The following APBA2 variants were observed in gnomAD, a reference collection of about 807,000 sequenced individuals.
The protein encoded by APBA2 is amyloid beta precursor protein binding family A member 2.
Under a neutral mutation model 75.0 loss-of-function variants are expected in APBA2, and 30 were observed. The ratio of observed to expected loss-of-function variants is 0.40; its 90% CI spans 0.30 to 0.54. APBA2 has a LOEUF of 0.54. Among genes scored for constraint, APBA2 ranks in the 20% least tolerant of loss-of-function variants. The pLI is 0.49. For missense variants in APBA2, 801 were observed against 1,016.1 expected, an observed-to-expected ratio of 0.79 and a Z score of 2.88; for synonymous variants, 444 against 409.6, an observed-to-expected ratio of 1.08 and a Z score of -1.01.
intron 1 of APBA2, among the ~76,000 whole-genome samples, chr15:28,915,093 C>T (rs2033609351): frequency 6.9e-6 from 1 of 145,046 alleles, no homozygotes; most frequent in Admixed American, 6.8e-5. Flanking sequence ...ACACCACAAA[C>T]ATACCATACC....
At chr15:28,942,002 GC>G (rs1327504283) in intron 2 of APBA2, among the ~76,000 whole-genome samples, 2 of 152,146 alleles carry the variant, frequency 1.3e-5, no homozygotes, top group African/African-American at 4.8e-5. Context: ...CTCGTGATCC[GC>G]CCGCCTCAGC....
intron 2 of APBA2, among the ~76,000 whole-genome samples, chr15:28,995,501 A>G: frequency 6.6e-6 from 1 of 152,246 alleles, no homozygotes. Context: ...AGAATGGTAC[A>G]TAAGCCATCT....
chr15:28,922,237 G>A (rs939801884), intron 2 of APBA2, among the ~76,000 whole-genome samples: 1 of 152,116 alleles, frequency 6.6e-6, no homozygotes, highest in Non-Finnish European at 1.5e-5. Flanking sequence ...GGTTCTTTCC[G>A]CTCGACCTGG....
chr15:28,927,351 T>TTTTG (rs995502332), intron 2 of APBA2, among the ~76,000 whole-genome samples: 59 of 119,808 alleles, frequency 4.9e-4, no homozygotes, highest in Middle Eastern at 4.1e-3. Context: ...TTTTTTTTTG[T>TTTTG]TTTGTTTTGT....
intron 3 of APBA2, among the ~76,000 whole-genome samples, chr15:28,999,999 A>G (rs1489526090): frequency 1.3e-5 from 2 of 152,160 alleles, no homozygotes; most frequent in Non-Finnish European, 1.5e-5. Flanking sequence ...GCAGAGAGTG[A>G]ATTCAACCCT....
At position 29,054,112 on chromosome 15, in the gene APBA2, C is replaced by T. The variant is rs763144316; in HGVS notation, c.228C>T (p.Tyr76=). The T allele has an allele frequency of 4.5e-5, 73 of 1,614,044 alleles. No individual in the cohort carries two copies. The Middle Eastern group carries it at 5.0e-4, about 11-fold the overall frequency. Residue 76 remains tyrosine (Y), a synonymous_variant, in exon 4 of 15, where the codon TAC becomes TAT. Transcript: ENST00000683413. This position sits in a 1 kb window ranked among gnomAD's most constrained non-coding sequence, Gnocchi z 6.1. ...CCGATGGGGACTCCAGCTCTGACTA[C>T]GTGAACAACACCTCTGAGGAGGAGG... ...HSPDGDSSSD[Y]VNNTSEEEDY...
rs35322773 is a variant in APBA2 at position 29,105,390 on chromosome 15, C to T, written c.1536C>T (p.Ile512=). 15,008 of 1,611,554 alleles carry T rather than the reference C, an allele frequency of 9.3e-3. 153 individuals are homozygous for T. Among genetic ancestry groups the T allele is most frequent in the African/African-American group, 0.049 (3,688 of 75,042 alleles). ...HVFESEDAQL[I]AQSIGQAFSV... is the part of the protein sequence containing the mutation. ...TGCCCTCTGCACAGGCCCAGCTCAT[C>T]GCCCAGTCTATCGGCCAGGCCTTCA... Residue 512 remains isoleucine, a synonymous_variant, in exon 11 of 15, where the codon ATC becomes ATT. Transcript: ENST00000683413.
At chr15:29,098,352 G>T in intron 8 of APBA2, 138 bp from the exon 9 acceptor site, 1 of 714,506 alleles carries the variant, frequency 1.4e-6, no homozygotes, top group Non-Finnish European at 2.6e-6. Context: ...TGACAGATAT[G>T]AAATGATATA....
intron 13 of APBA2, among the ~76,000 whole-genome samples, 197 bp from the exon 14 acceptor site, chr15:29,113,679 A>G (rs773182253): frequency 2.6e-5 from 4 of 152,178 alleles, no homozygotes; most frequent in Non-Finnish European, 4.4e-5. Context: ...TTCCCCACAC[A>G]CCATGGCATT....
intron 1 of APBA2, among the ~76,000 whole-genome samples, chr15:28,915,623 C>T (rs1476804204): frequency 2.0e-5 from 3 of 150,930 alleles, no homozygotes; most frequent in African/African-American, 7.3e-5. Flanking sequence ...CTTATACACA[C>T]CACACACACT....
chr15:28,964,605 A>G (rs1349555578), intron 2 of APBA2, among the ~76,000 whole-genome samples: 5 of 151,258 alleles, frequency 3.3e-5, no homozygotes, highest in South Asian at 2.1e-4. Context: ...CTCCTGCCTC[A>G]GCCTCCCGAG....
chr15:29,079,153 G>T (rs1158255819), intron 6 of APBA2, among the ~76,000 whole-genome samples: 1 of 152,164 alleles, frequency 6.6e-6, no homozygotes, highest in Non-Finnish European at 1.5e-5. Flanking sequence ...TGGGGTGATT[G>T]TGAGAGATAC....
chr15:29,015,436 G>A (rs560719954), intron 3 of APBA2, among the ~76,000 whole-genome samples: 12 of 152,280 alleles, frequency 7.9e-5, no homozygotes, highest in African/African-American at 2.4e-4. Context: ...CCCATCCCAA[G>A]GGGGCAGCTC....
intron 6 of APBA2, among the ~76,000 whole-genome samples, chr15:29,090,787 C>T (rs1332674040): frequency 2.0e-5 from 3 of 152,160 alleles, no homozygotes; most frequent in Non-Finnish European, 2.9e-5. Context: ...GAGCCATGCT[C>T]ACTGGGGACG....
chr15:29,034,802 T>C (rs2040662377), intron 3 of APBA2, among the ~76,000 whole-genome samples: 2 of 152,288 alleles, frequency 1.3e-5, no homozygotes, highest in East Asian at 1.9e-4. Context: ...TTTTCATTGG[T>C]CTGGGGGAGG....
chr15:28,969,362 G>A lies in APBA2; in HGVS notation c.-94-26391G>A, dbSNP rs982649609. Among the ~76,000 whole-genome samples the A allele has an allele frequency of 2.6e-5, 4 of 151,788 alleles. No homozygotes were observed. In the East Asian group the frequency reaches 7.8e-4, roughly 29 times the overall value. On this transcript the variant is annotated intron_variant, in intron 2 of 14. Coordinates refer to ENST00000683413, the MANE Select transcript of APBA2 (RefSeq NM_001353788.2). ...AGCCTGGCTAATTTTTGTGTTTTTAGTAGAGATGGGGTTTCACCTATAGGC... is the reference window on the plus strand; with the variant it reads ...AGCCTGGCTAATTTTTGTGTTTTTAATAGAGATGGGGTTTCACCTATAGGC...
intron 1 of APBA2, among the ~76,000 whole-genome samples, chr15:28,890,835 C>T (rs1001776885): frequency 5.3e-5 from 8 of 152,184 alleles, no homozygotes; most frequent in African/African-American, 1.2e-4. Flanking sequence ...GGTGTGGCCA[C>T]GTAGCCTTGG....
chr15:29,049,148 A>G (rs939576699), intron 3 of APBA2, among the ~76,000 whole-genome samples: 1 of 152,172 alleles, frequency 6.6e-6, no homozygotes, highest in South Asian at 2.1e-4. Context: ...ACTTTGCTGT[A>G]TATTGGAATC....
intron 10 of APBA2, among the ~76,000 whole-genome samples, chr15:29,103,299 A>G (rs2044224356): frequency 6.6e-6 from 1 of 152,206 alleles, no homozygotes; most frequent in South Asian, 2.1e-4. Context: ...CCTGCCAGCA[A>G]CAGCAGCCTC....
Sources: allele counts gnomAD v4.1 joint callset (sites outside exome capture counted in the v4.1 genomes callset), GRCh38; gene constraint gnomAD v4.1.1; non-coding constraint Gnocchi (gnomAD v3.1); transcripts MANE v1.5; gene names NCBI Gene and HGNC (gene_info 2026-07-23, HGNC 2026-07-21).